Variants in AR observed in about 807,000 individuals in gnomAD.
AR encodes androgen receptor, also known as dihydrotestosterone receptor.
A neutral mutation model predicts 53.9 loss-of-function variants in AR; 8 were observed. That is an observed-to-expected ratio of 0.15 (90% CI 0.09 to 0.27). The LOEUF (loss-of-function observed/expected upper bound fraction) is 0.27. Among genes scored for constraint, AR ranks in the 10% least tolerant of loss-of-function variants. The pLI is 1.00. For missense variants in AR, 639 were observed against 742.5 expected (o/e 0.86, Z 1.62); for synonymous variants, 359 against 316.4 (o/e 1.13, Z -1.43).
At chrX:67,667,583 T>A (rs1354969859) in intron 2 of AR, among the ~76,000 whole-genome samples, 1 of 111,633 alleles carries the variant, frequency 9.0e-6, no homozygotes, top group Non-Finnish European at 1.9e-5. Flanking sequence ...GATTATTTTT[T>A]CTATTTATGT....
intron 4 of AR, among the ~76,000 whole-genome samples, chrX:67,714,331 C>T (rs937163635): frequency 1.8e-5 from 2 of 111,900 alleles, no homozygotes; most frequent in African/African-American, 6.5e-5. Context: ...CACCTAGTAA[C>T]GTAGCCTGAA....
At chrX:67,595,353 T>C (rs1332864304) in intron 1 of AR, among the ~76,000 whole-genome samples, 3 of 110,203 alleles carry the variant, frequency 2.7e-5, no homozygotes, top group Admixed American at 9.7e-5. Context: ...GCATCTTTGC[T>C]TTTTTTTCTT....
intron 1 of AR, among the ~76,000 whole-genome samples, chrX:67,618,306 GA>G (rs748606700): frequency 9.0e-6 from 1 of 111,211 alleles, no homozygotes; most frequent in African/African-American, 3.3e-5. Flanking sequence ...TTTTTGAGGG[GA>G]AAAAAGAGAA....
chrX:67,679,923 CAA>C (rs1039902730), intron 2 of AR, among the ~76,000 whole-genome samples: 2 of 111,627 alleles, frequency 1.8e-5, no homozygotes, highest in Non-Finnish European at 3.8e-5. Context: ...TGAAATTTAT[CAA>C]GTCTGTCTTC....
chrX:67,660,242 CT>C (rs1455806065), intron 2 of AR, among the ~76,000 whole-genome samples: 1 of 112,008 alleles, frequency 8.9e-6, no homozygotes, highest in Non-Finnish European at 1.9e-5. Flanking sequence ...TCAATTTTGG[CT>C]TTTGTTGCCA....
rs1483276880 is a variant in AR, at chrX:67,727,364, G to A, written c.*3523G>A. 1.2e-5 allele frequency: 2 copies of A among 169,550 alleles called. No individual in the cohort carries two copies. The highest frequency in any genetic ancestry group is 5.9e-5 in the African/African-American group (2 of 33,661). The allele number at this position is 169,550 out of a possible 1,213,427, so 14.0% of individuals were successfully genotyped here. On this transcript the variant is annotated 3_prime_UTR_variant, in exon 8 of 8. Coordinates refer to ENST00000374690, the MANE Select transcript of AR (RefSeq NM_000044.6). ...ATTCTGTCCTTTGGGTAGTTGCTGA[G>A]GTAATTGTCCAGGTTGAAAAATAAT...
chrX:67,591,482 C>T (rs181018071), intron 1 of AR, among the ~76,000 whole-genome samples: 2 of 111,525 alleles, frequency 1.8e-5, no homozygotes, highest in African/African-American at 6.5e-5. Context: ...AGGCTTGGTT[C>T]CCTTCTCCTA....
At chrX:67,587,754 G>A (rs1424272785) in intron 1 of AR, among the ~76,000 whole-genome samples, 3 of 111,032 alleles carry the variant, frequency 2.7e-5, no homozygotes, top group East Asian at 2.8e-4. Flanking sequence ...TAACTTCTCC[G>A]AATTTCACTT....
chrX:67,598,481 A>G (rs1427547909), intron 1 of AR, among the ~76,000 whole-genome samples: 5 of 110,466 alleles, frequency 4.5e-5, no homozygotes, highest in African/African-American at 1.6e-4. Flanking sequence ...GGGTTTCACC[A>G]TGTTGATCAG....
chrX:67,572,198 T>A (rs185778688), intron 1 of AR, among the ~76,000 whole-genome samples: 47 of 111,978 alleles, frequency 4.2e-4, no homozygotes, highest in African/African-American at 1.4e-3. Flanking sequence ...AAGCAAACCC[T>A]GCAAACCCTG....
At chrX:67,619,333 G>C (rs148055316) in intron 1 of AR, among the ~76,000 whole-genome samples, 1,467 of 107,517 alleles carry the variant, frequency 0.014, 25 homozygotes, top group African/African-American at 0.042. Flanking sequence ...CTCTCTCTCT[G>C]TGTGTGTGTG....
At chrX:67,673,377 C>CTG (rs1238049062) in intron 2 of AR, among the ~76,000 whole-genome samples, 3 of 107,148 alleles carry the variant, frequency 2.8e-5, no homozygotes, top group Non-Finnish European at 5.8e-5. Context: ...CTGTCTCTCT[C>CTG]TCTCTCTCTC....
At chrX:67,628,046 A>G (rs1377104532) in intron 1 of AR, among the ~76,000 whole-genome samples, 1 of 111,492 alleles carries the variant, frequency 9.0e-6, no homozygotes, top group African/African-American at 3.3e-5. Context: ...GTAGCCTTGT[A>G]GTATAGTTAG....
At chrX:67,719,695 A>G (rs577815255) in intron 5 of AR, among the ~76,000 whole-genome samples, 1 of 112,215 alleles carries the variant, frequency 8.9e-6, no homozygotes, top group Non-Finnish European at 1.9e-5. Context: ...TATGGTTAAC[A>G]TACCTGGCAC....
intron 3 of AR, chrX:67,689,905 T>C (rs763117645): frequency 4.8e-5 from 9 of 187,848 alleles, no homozygotes; most frequent in African/African-American, 2.2e-4. Flanking sequence ...GTTTCCAAGA[T>C]GGAATGAGAA....
Position 67,630,913 on chromosome X carries a change from G to A in AR, c.1617-12343G>A, listed in dbSNP as rs4827400. Among the ~76,000 whole-genome samples the A allele has an allele frequency of 7.8e-3, 858 of 110,255 alleles. 35 individuals are homozygous for A. The highest frequency in any genetic ancestry group is 0.075 in the Admixed American group (777 of 10,317). On this transcript the variant is annotated intron_variant, in intron 1 of 7. Transcript: ENST00000374690. ...TTCACTTATGAAGCTTAGTTTGGCT[G>A]GATATGAAATTCTGGGTTGAAAATT...
In AR at chrX:67,728,208, G is replaced by A. The variant is rs2076165696; in HGVS notation, c.*4367G>A. The A allele has an allele frequency of 5.9e-6, 1 of 169,270 alleles. No homozygotes were observed. Among genetic ancestry groups the A allele is most frequent in the Non-Finnish European group, 1.1e-5 (1 of 88,609 alleles). 13.9% of individuals were successfully genotyped at this position (169,270 alleles called of 1,213,427 possible). ...TTTTCCCTAATAATATACATGTTTA[G>A]AAGAATTGAAAATAATTTCGGGAAA... On this transcript the variant is annotated 3_prime_UTR_variant, in exon 8 of 8. Coordinates refer to ENST00000374690, the MANE Select transcript of AR (RefSeq NM_000044.6).
At chrX:67,701,676 A>T (rs1401516077) in intron 3 of AR, among the ~76,000 whole-genome samples, 1 of 72,572 alleles carries the variant, frequency 1.4e-5, no homozygotes, top group East Asian at 3.2e-4. Flanking sequence ...CTAACCATTC[A>T]CACACACACA....
At chrX:67,555,400 C>G (rs1199361844) in intron 1 of AR, among the ~76,000 whole-genome samples, 2 of 111,843 alleles carry the variant, frequency 1.8e-5, no homozygotes, top group Non-Finnish European at 3.8e-5. Flanking sequence ...TCTGCTTATT[C>G]AATAGTGCAC....
Sources: allele counts gnomAD v4.1 joint callset (sites outside exome capture counted in the v4.1 genomes callset), GRCh38; gene constraint gnomAD v4.1.1; transcripts MANE v1.5; gene names NCBI Gene and HGNC (gene_info 2026-07-23, HGNC 2026-07-21).